PRKD1: variants seen among roughly 807,000 people sequenced by gnomAD.
PRKD1 encodes the protein serine/threonine-protein kinase D1.
Under a neutral mutation model 95.9 loss-of-function variants are expected in PRKD1, and 63 were observed. The ratio of observed to expected loss-of-function variants is 0.66; its 90% confidence interval spans 0.54 to 0.81. The LOEUF (loss-of-function observed/expected upper bound fraction) is 0.81, where lower values mean the gene tolerates loss of function less well. Ranked by LOEUF, PRKD1 falls within the 30% of genes least tolerant of loss-of-function variation. The probability of loss-of-function intolerance (pLI) is 0.00; values close to 1 mark genes in which losing one functional copy is unlikely to be tolerated. For missense variants in PRKD1, 1,048 were observed against 1,165.3 expected, an observed-to-expected ratio of 0.90 and a Z score of 1.47; for synonymous variants, 425 against 423.1, an observed-to-expected ratio of 1.00 and a Z score of -0.05.
intron 1 of PRKD1, among the ~76,000 whole-genome samples, chr14:29,761,583 T>C (rs1462725329): frequency 2.0e-5 from 3 of 152,154 alleles, no homozygotes; most frequent in African/African-American, 7.2e-5. Flanking sequence ...CCTGATGTTA[T>C]TATTATTGTC....
intron 1 of PRKD1, among the ~76,000 whole-genome samples, chr14:29,850,066 C>T (rs1162101992): frequency 6.6e-6 from 1 of 151,988 alleles, no homozygotes; most frequent in African/African-American, 2.4e-5. Flanking sequence ...TAGTAAGAAA[C>T]ACTGATGACA....
chr14:29,695,563 T>C (rs1324736326), intron 2 of PRKD1, among the ~76,000 whole-genome samples: 1 of 152,170 alleles, frequency 6.6e-6, no homozygotes, highest in Non-Finnish European at 1.5e-5. Context: ...ACAGAAAGCA[T>C]GAATGGGCCA....
intron 6 of PRKD1, chr14:29,638,284 A>G: frequency 1.8e-6 from 1 of 565,784 alleles, no homozygotes; most frequent in Non-Finnish European, 3.1e-6. Context: ...CACCATGTAA[A>G]GATCATGAAA....
At chr14:29,785,288 T>C (rs1398282937) in intron 1 of PRKD1, among the ~76,000 whole-genome samples, 1 of 152,210 alleles carries the variant, frequency 6.6e-6, no homozygotes, top group Non-Finnish European at 1.5e-5. Context: ...ACAACCTCTT[T>C]GGTCAAATTT....
intron 1 of PRKD1, among the ~76,000 whole-genome samples, chr14:29,809,672 GT>G (rs1279189492): frequency 6.6e-6 from 1 of 152,212 alleles, no homozygotes; most frequent in Non-Finnish European, 1.5e-5. Flanking sequence ...ATTAAAGAGA[GT>G]TAGGACCTTA....
intron 1 of PRKD1, among the ~76,000 whole-genome samples, chr14:29,784,896 T>G (rs1889199048): frequency 6.6e-6 from 1 of 152,260 alleles, no homozygotes; most frequent in African/African-American, 2.4e-5. Flanking sequence ...CAAATGCTCT[T>G]TCTTGATAAA....
chr14:29,813,659 C>T (rs538450735), intron 1 of PRKD1, among the ~76,000 whole-genome samples: 3 of 152,092 alleles, frequency 2.0e-5, no homozygotes, highest in Non-Finnish European at 2.9e-5. Flanking sequence ...TTGCTAAATA[C>T]CACAAGGCCT....
intron 13 of PRKD1, among the ~76,000 whole-genome samples, chr14:29,606,581 G>T: frequency 6.6e-6 from 1 of 152,124 alleles, no homozygotes; most frequent in East Asian, 1.9e-4. Flanking sequence ...AGATACTTTA[G>T]ATTCAGATCA....
At chr14:29,652,170 C>T (rs1881548108) in intron 4 of PRKD1, among the ~76,000 whole-genome samples, 1 of 152,196 alleles carries the variant, frequency 6.6e-6, no homozygotes, top group Non-Finnish European at 1.5e-5. Flanking sequence ...AAGTAAATGC[C>T]TGCAATTCCT....
intron 1 of PRKD1, among the ~76,000 whole-genome samples, chr14:29,830,868 A>G (rs1891380927): frequency 1.3e-5 from 2 of 152,010 alleles, no homozygotes; most frequent in South Asian, 4.2e-4. Flanking sequence ...AATTTTTTGT[A>G]GAAACGGGGT....
At chr14:29,782,706 AT>A (rs1266604552) in intron 1 of PRKD1, among the ~76,000 whole-genome samples, 2 of 150,148 alleles carry the variant, frequency 1.3e-5, no homozygotes, top group Admixed American at 6.6e-5. Context: ...TGCCCAGCTA[AT>A]TTTTTTTCTT....
At position 29,599,120 on chromosome 14, in the gene PRKD1, G is replaced by A. The variant is rs765468883; in HGVS notation, c.2073C>T (p.Leu691=). 7 of 1,612,362 alleles carry A rather than the reference G, an allele frequency of 4.3e-6. 1 individual carries two copies. In the South Asian group the frequency reaches 5.5e-5, roughly 13 times the overall value. ...HITKFLITQI[L]VALRHLHFKN... is the part of the protein sequence containing the mutation. ...TAAAATGAAGGTGCCGCAAAGCCACGAGTATCTGTAAAGAAGAATCACCAA... is the reference window on the plus strand; with the variant it reads ...TAAAATGAAGGTGCCGCAAAGCCACAAGTATCTGTAAAGAAGAATCACCAA... The change falls in exon 15 of 18, where the codon CTC becomes CTT. Residue 691 remains leucine (L), a synonymous_variant. Coordinates refer to ENST00000331968, the MANE Select transcript of PRKD1 (RefSeq NM_002742.3).
chr14:29,741,337 A>G (rs1448284688), intron 1 of PRKD1, among the ~76,000 whole-genome samples: 1 of 152,042 alleles, frequency 6.6e-6, no homozygotes, highest in Non-Finnish European at 1.5e-5. Context: ...TCTCAATCAT[A>G]TTTCTATATT....
intron 12 of PRKD1, among the ~76,000 whole-genome samples, chr14:29,624,801 T>C (rs770630467): frequency 6.6e-6 from 1 of 152,140 alleles, no homozygotes; most frequent in African/African-American, 2.4e-5. Context: ...CTGGTAACTA[T>C]GCACACTCAA....
At chr14:29,676,258 AAT>A (rs1017961188) in intron 2 of PRKD1, among the ~76,000 whole-genome samples, 1 of 135,300 alleles carries the variant, frequency 7.4e-6, no homozygotes, top group Non-Finnish European at 1.5e-5. Flanking sequence ...TCACCAGCTG[AAT>A]TCTTTCAGCG....
At chr14:29,675,282 T>C (rs183871936) in intron 2 of PRKD1, among the ~76,000 whole-genome samples, 11 of 152,326 alleles carry the variant, frequency 7.2e-5, no homozygotes, top group African/African-American at 1.9e-4. Flanking sequence ...TAATAACTTA[T>C]ATAAAGTAAA....
At chr14:29,721,922 G>T (rs1483003717) in intron 2 of PRKD1, among the ~76,000 whole-genome samples, 1 of 151,748 alleles carries the variant, frequency 6.6e-6, no homozygotes, top group Non-Finnish European at 1.5e-5. Flanking sequence ...AGAAACGGAG[G>T]GAGAAAAAAA....
chr14:29,708,263 T>C (rs948238133), intron 2 of PRKD1, among the ~76,000 whole-genome samples: 2 of 152,264 alleles, frequency 1.3e-5, no homozygotes, highest in Admixed American at 1.3e-4. Context: ...TTTAGGGCAT[T>C]GACTATTTAA....
At chr14:29,655,514 C>T (rs1229303701) in intron 4 of PRKD1, among the ~76,000 whole-genome samples, 1 of 152,086 alleles carries the variant, frequency 6.6e-6, no homozygotes, top group Non-Finnish European at 1.5e-5. Flanking sequence ...GGGAAAATAA[C>T]AGTATGTCAA....
Sources: gnomAD v4.1 joint callset for allele counts (sites outside exome capture counted in the v4.1 genomes callset) on GRCh38, gnomAD v4.1.1 for gene constraint, MANE v1.5 for transcripts, NCBI Gene and HGNC (gene_info 2026-07-23, HGNC 2026-07-21) for gene names.